LMBR1: variants seen among roughly 807,000 people sequenced by gnomAD.
The protein encoded by LMBR1 is limb development membrane protein 1.
Under a neutral mutation model 73.9 loss-of-function variants are expected in LMBR1, and 52 were observed. That is an observed-to-expected ratio of 0.70 (90% CI 0.56 to 0.89). The LOEUF (loss-of-function observed/expected upper bound fraction) is 0.89, where lower values mean the gene tolerates loss of function less well. Among genes scored for constraint, LMBR1 ranks in the 40% least tolerant of loss-of-function variants. LMBR1 has a pLI of 0.00. For synonymous variants in LMBR1, 215 were observed against 209.4 expected (o/e 1.03, Z -0.23); for missense variants, 539 against 579.8 (o/e 0.93, Z 0.72).
chr7:156,738,362 G>A (rs893931348), intron 9 of LMBR1, among the ~76,000 whole-genome samples: 7 of 152,156 alleles, frequency 4.6e-5, no homozygotes, highest in African/African-American at 7.2e-5. Flanking sequence ...TCACCACAAC[G>A]GGCTACAGTG....
At chr7:156,865,558 C>G (rs1172074830) in intron 1 of LMBR1, among the ~76,000 whole-genome samples, 1 of 152,110 alleles carries the variant, frequency 6.6e-6, no homozygotes, top group Non-Finnish European at 1.5e-5. Context: ...TTCCTACTTT[C>G]TTACAGAAAT....
intron 1 of LMBR1, among the ~76,000 whole-genome samples, chr7:156,864,835 A>C (rs1468648405): frequency 6.6e-6 from 1 of 152,006 alleles, no homozygotes; most frequent in Non-Finnish European, 1.5e-5. Context: ...ATCTCTACTA[A>C]AAATACAAAA....
chr7:156,884,518 A>G (rs1344248894), intron 1 of LMBR1, among the ~76,000 whole-genome samples: 1 of 152,068 alleles, frequency 6.6e-6, no homozygotes, highest in Non-Finnish European at 1.5e-5. Flanking sequence ...CTTTCCTTCT[A>G]GAAAAGATTT....
At chr7:156,862,379 G>A (rs1797853313) in intron 1 of LMBR1, among the ~76,000 whole-genome samples, 1 of 151,928 alleles carries the variant, frequency 6.6e-6, no homozygotes, top group Non-Finnish European at 1.5e-5. Flanking sequence ...CGACACATGA[G>A]AATTGTAGGA....
intron 3 of LMBR1, among the ~76,000 whole-genome samples, chr7:156,828,629 T>C (rs1331087636): frequency 6.6e-6 from 1 of 152,220 alleles, no homozygotes; most frequent in African/African-American, 2.4e-5. Context: ...CTACAGATCA[T>C]ATTGTAAAGT....
intron 4 of LMBR1, among the ~76,000 whole-genome samples, chr7:156,806,787 T>C (rs1832206867): frequency 6.6e-6 from 1 of 151,910 alleles, no homozygotes; most frequent in South Asian, 2.1e-4. Flanking sequence ...AAGTTTTATA[T>C]TTTTAGTAGG....
chr7:156,867,773 A>G (rs1345683281), intron 1 of LMBR1, among the ~76,000 whole-genome samples: 1 of 152,202 alleles, frequency 6.6e-6, no homozygotes, highest in East Asian at 1.9e-4. Flanking sequence ...AGGAAGGAGT[A>G]TGTGGGTGCA....
At chr7:156,807,751 C>T (rs567800985) in intron 4 of LMBR1, among the ~76,000 whole-genome samples, 5 of 152,256 alleles carry the variant, frequency 3.3e-5, no homozygotes, top group African/African-American at 9.6e-5. Flanking sequence ...ACAGGTATTT[C>T]GTGCTATACA....
At chr7:156,892,647 T>G (rs1339229517) in intron 1 of LMBR1, 102 of 220,028 alleles carry the variant, frequency 4.6e-4, no homozygotes, top group East Asian at 2.3e-3. Context: ...GGGGGCGGGG[T>G]CGGGGCTCGA....
intron 5 of LMBR1, among the ~76,000 whole-genome samples, chr7:156,779,467 T>C (rs1563340176): frequency 6.6e-6 from 1 of 152,180 alleles, no homozygotes; most frequent in Non-Finnish European, 1.5e-5. Flanking sequence ...AAAGGTTAAA[T>C]TCGATGAAAT....
chr7:156,849,690 T>A (rs575719387), intron 1 of LMBR1, among the ~76,000 whole-genome samples: 1 of 152,172 alleles, frequency 6.6e-6, no homozygotes, highest in Non-Finnish European at 1.5e-5. Flanking sequence ...GAGGAAGGAA[T>A]GAACAGGCAG....
rs538419998 is a variant in LMBR1, at chr7:156,825,777, T to C, written c.319+828A>G. Among the ~76,000 whole-genome samples the C allele has an allele frequency of 2.6e-5, 4 of 152,246 alleles. No individual in the cohort carries two copies. In the East Asian group the frequency reaches 7.7e-4, roughly 29 times the overall value. ...AATTACTTTACATACATCATTCCTA[T>C]TGCAAAAACAAGCTGGGTTTTATTT... On this transcript the variant is annotated intron_variant, in intron 4 of 16. Transcript: ENST00000353442.
chr7:156,713,632 C>T (rs371741978), intron 15 of LMBR1, among the ~76,000 whole-genome samples: 2 of 151,758 alleles, frequency 1.3e-5, no homozygotes, highest in African/African-American at 4.8e-5. Context: ...GGAACACGAG[C>T]GGAGTCTGAG....
At chr7:156,861,655 C>T (rs12534236) in intron 1 of LMBR1, among the ~76,000 whole-genome samples, 14,581 of 152,202 alleles carry the variant, frequency 0.096, 891 homozygotes, top group South Asian at 0.21. Context: ...AACTGAATGC[C>T]TTTAACAGCA....
At chr7:156,883,583 T>A (rs7785314) in intron 1 of LMBR1, among the ~76,000 whole-genome samples, 69,744 of 151,976 alleles carry the variant, frequency 0.46, 16,207 homozygotes, top group East Asian at 0.61. Context: ...GTAACCAAAT[T>A]ACACAAACTT....
intron 15 of LMBR1, among the ~76,000 whole-genome samples, chr7:156,717,538 C>A (rs932670359): frequency 3.2e-4 from 48 of 152,028 alleles, no homozygotes; most frequent in African/African-American, 1.2e-3. Flanking sequence ...TGAAGACAGA[C>A]AAGATGTGGG....
intron 15 of LMBR1, among the ~76,000 whole-genome samples, chr7:156,718,767 T>G (rs1293810514): frequency 6.6e-6 from 1 of 152,070 alleles, no homozygotes; most frequent in Non-Finnish European, 1.5e-5. Flanking sequence ...AATACTCAGA[T>G]AGCTAGAGGT....
At chr7:156,737,447 T>C (rs989984391) in intron 9 of LMBR1, among the ~76,000 whole-genome samples, 2 of 152,142 alleles carry the variant, frequency 1.3e-5, no homozygotes, top group Non-Finnish European at 2.9e-5. Flanking sequence ...AGATGATCCC[T>C]TTCAATCTCC....
At chr7:156,819,969 A>C (rs536618436) in intron 4 of LMBR1, among the ~76,000 whole-genome samples, 109 of 152,326 alleles carry the variant, frequency 7.2e-4, no homozygotes, top group African/African-American at 2.6e-3. Context: ...TACCTGGGAA[A>C]ACAGTAAACC....
Sources: gnomAD v4.1 joint callset for allele counts (sites outside exome capture counted in the v4.1 genomes callset) on GRCh38, gnomAD v4.1.1 for gene constraint, MANE v1.5 for transcripts, NCBI Gene and HGNC (gene_info 2026-07-23, HGNC 2026-07-21) for gene names.